The following NAV1 variants were observed in gnomAD, a reference collection of about 807,000 sequenced individuals.
The protein encoded by NAV1 is neuron navigator 1, also known as pore membrane and/or filament interacting like protein 3.
A neutral mutation model predicts 175.2 loss-of-function variants in NAV1; 18 were observed. The observed-to-expected ratio is 0.10, with a 90% confidence interval of 0.07 to 0.15. NAV1 has a LOEUF of 0.15. Ranked by LOEUF, NAV1 falls within the 10% of genes least tolerant of loss-of-function variation. The pLI is 1.00. For missense variants in NAV1, 1,731 were observed against 2,436.6 expected (o/e 0.71, Z 6.10); for synonymous variants, 897 against 978.7 (o/e 0.92, Z 1.56).
At chr1:201,604,883 A>T (rs2102240100) in intron 2 of NAV1, among the ~76,000 whole-genome samples, 1 of 152,226 alleles carries the variant, frequency 6.6e-6, no homozygotes, top group African/African-American at 2.4e-5. Flanking sequence ...GTTCAAACCC[A>T]AGTTTTTGAC....
intron 1 of NAV1, among the ~76,000 whole-genome samples, chr1:201,558,631 T>G (rs1666105207): frequency 6.6e-6 from 1 of 152,176 alleles, no homozygotes; most frequent in Non-Finnish European, 1.5e-5. Flanking sequence ...TTTGTATTTT[T>G]GGTAGAGACG....
chr1:201,756,917 T>C (rs948414906), intron 3 of NAV1, among the ~76,000 whole-genome samples: 1 of 151,474 alleles, frequency 6.6e-6, no homozygotes, highest in African/African-American at 2.4e-5. Flanking sequence ...TGGCTTTCTT[T>C]GTGATTGATC....
upstream of NAV1, among the ~76,000 whole-genome samples, chr1:201,618,917 A>G (rs1022000584): frequency 2.6e-5 from 4 of 151,964 alleles, no homozygotes; most frequent in African/African-American, 7.3e-5. Context: ...AAACTTCATG[A>G]CCCCTTTCTC....
At chr1:201,562,171 ATTT>A (rs566214709) in intron 1 of NAV1, among the ~76,000 whole-genome samples, 5 of 127,270 alleles carry the variant, frequency 3.9e-5, no homozygotes, top group African/African-American at 1.3e-4. Flanking sequence ...TGCCTGGCTA[ATTT>A]TTTTTTTTTT....
intron 3 of NAV1, among the ~76,000 whole-genome samples, chr1:201,732,225 T>C (rs1415985541): frequency 6.6e-6 from 1 of 152,190 alleles, no homozygotes; most frequent in Non-Finnish European, 1.5e-5. Context: ...TCCTCCCGCC[T>C]CAGCCTCCCA....
intron 3 of NAV1, among the ~76,000 whole-genome samples, chr1:201,753,989 A>T (rs1045215721): frequency 6.6e-6 from 1 of 152,200 alleles, no homozygotes; most frequent in African/African-American, 2.4e-5. Flanking sequence ...GAAAGCTGGA[A>T]TCTGGGAACT....
At chr1:201,719,071 C>G (rs1378786250) in intron 3 of NAV1, among the ~76,000 whole-genome samples, 2 of 150,364 alleles carry the variant, frequency 1.3e-5, no homozygotes, top group African/African-American at 2.5e-5. Flanking sequence ...TAAACTGGCT[C>G]AAAGAGCCTT....
chr1:201,561,141 C>G (rs1009598743), intron 1 of NAV1, among the ~76,000 whole-genome samples: 2 of 152,194 alleles, frequency 1.3e-5, no homozygotes, highest in African/African-American at 4.8e-5. Flanking sequence ...GGACCCCTTG[C>G]TAGTGGAGGA....
intron 17 of NAV1, among the ~76,000 whole-genome samples, chr1:201,806,454 A>G (rs575907682): frequency 6.6e-6 from 1 of 152,244 alleles, no homozygotes; most frequent in African/African-American, 2.4e-5. Flanking sequence ...GGAATACTGA[A>G]CTACACATAT....
At chr1:201,702,783 CTA>C (rs1368852610) in intron 1 of NAV1, among the ~76,000 whole-genome samples, 2 of 151,098 alleles carry the variant, frequency 1.3e-5, no homozygotes, top group African/African-American at 2.4e-5. Context: ...TAGAGTCAGA[CTA>C]TCTGGATTTG....
At chr1:201,729,295 G>C (rs921498734) in intron 3 of NAV1, among the ~76,000 whole-genome samples, 1 of 152,220 alleles carries the variant, frequency 6.6e-6, no homozygotes, top group African/African-American at 2.4e-5. Flanking sequence ...TTTTAAGCAA[G>C]AATACGAATA....
At chr1:201,635,883 G>C (rs1444475746) in intron 2 of NAV1, among the ~76,000 whole-genome samples, 1 of 152,250 alleles carries the variant, frequency 6.6e-6, no homozygotes, top group Non-Finnish European at 1.5e-5. Context: ...CTGAAGGAGA[G>C]GTGGCCTGGT....
At chr1:201,748,623 T>C (rs1184283026) in intron 3 of NAV1, among the ~76,000 whole-genome samples, 1 of 152,198 alleles carries the variant, frequency 6.6e-6, no homozygotes, top group Non-Finnish European at 1.5e-5. Flanking sequence ...TCCTGCTATC[T>C]GAGAAACTAA....
chr1:201,749,918 A>G (rs2102592212), intron 3 of NAV1, among the ~76,000 whole-genome samples: 1 of 152,356 alleles, frequency 6.6e-6, no homozygotes, highest in East Asian at 1.9e-4. Context: ...AAAAGAAAAA[A>G]GAAAAGAAAG....
At chr1:201,665,674 C>A (rs569074280) in intron 1 of NAV1, among the ~76,000 whole-genome samples, 2 of 142,282 alleles carry the variant, frequency 1.4e-5, no homozygotes, top group Non-Finnish European at 3.0e-5. Context: ...GAGGGTAAGA[C>A]CAGGGTGCTT....
At position 201,718,132 on chromosome 1, in the gene NAV1, C is replaced by T. The variant is rs1672214218; in HGVS notation, c.861-258C>T. ...AAGAATTCAAACCTAGGTCATATTACACAATCTAGGGTCTTAACAGTATAC... is the reference window on the plus strand; with the variant it reads ...AAGAATTCAAACCTAGGTCATATTATACAATCTAGGGTCTTAACAGTATAC... On this transcript the variant is annotated intron_variant, in intron 2 of 29. Transcript: ENST00000367296. This position sits in a 1 kb window ranked among gnomAD's most constrained non-coding sequence, Gnocchi z 4.8. 6.6e-6 allele frequency among the ~76,000 whole-genome samples: 1 copy of T among 152,218 alleles called. No homozygotes were observed. The highest frequency in any genetic ancestry group is 2.4e-5 in the African/African-American group (1 of 41,458).
intron 3 of NAV1, chr1:201,719,716 C>G (rs1351167257): frequency 6.5e-6 from 1 of 153,154 alleles, no homozygotes; most frequent in African/African-American, 2.4e-5. Flanking sequence ...ACTCTCCCTT[C>G]TTGGTTTGCT....
At chr1:201,689,264 G>A (rs763502741) in intron 1 of NAV1, among the ~76,000 whole-genome samples, 4 of 152,192 alleles carry the variant, frequency 2.6e-5, no homozygotes, top group Non-Finnish European at 2.9e-5. Flanking sequence ...TATAGGATAC[G>A]AATCCAATTA....
chr1:201,786,710 C>T, intron 9 of NAV1, 133 bp downstream of exon 13: 1 of 833,318 alleles, frequency 1.2e-6, no homozygotes, highest in Non-Finnish European at 1.8e-6. Context: ...CATGGTGCCT[C>T]AGTTTATCCA....
Sources: allele counts gnomAD v4.1 joint callset (sites outside exome capture counted in the v4.1 genomes callset), GRCh38; gene constraint gnomAD v4.1.1; non-coding constraint Gnocchi (gnomAD v3.1); transcripts MANE v1.5; gene names NCBI Gene and HGNC (gene_info 2026-07-23, HGNC 2026-07-21).